SLCO1A2: variants seen among roughly 807,000 people sequenced by gnomAD.
The protein encoded by SLCO1A2 is OATP-1.
SLCO1A2 carries 67 observed loss-of-function variants against 69.0 expected under a neutral mutation model. The ratio of observed to expected loss-of-function variants is 0.97; its 90% confidence interval spans 0.80 to 1.19. SLCO1A2 has a LOEUF of 1.19. Ranked by LOEUF, SLCO1A2 falls within the 50% of genes most tolerant of loss-of-function variation. The pLI is 0.00. For synonymous variants in SLCO1A2, 260 were observed against 265.9 expected, an observed-to-expected ratio of 0.98 and a Z score of 0.22; for missense variants, 787 against 793.7, an observed-to-expected ratio of 0.99 and a Z score of 0.10.
At chr12:21,387,129 GA>G (rs1940920844) in intron 1 of SLCO1A2, among the ~76,000 whole-genome samples, 1 of 152,078 alleles carries the variant, frequency 6.6e-6, no homozygotes, top group Non-Finnish European at 1.5e-5. Flanking sequence ...GTTTCTGGTG[GA>G]AAAAATTTCT....
At position 21,295,598 on chromosome 12, in the gene SLCO1A2, C is replaced by T. The variant is rs1316360815; in HGVS notation, c.1270G>A (p.Gly424Arg). The T allele has an allele frequency of 6.4e-7, 1 of 1,557,654 alleles. No homozygotes were observed. Among genetic ancestry groups the T allele is most frequent in the South Asian group, 1.1e-5 (1 of 88,994 alleles). The change falls in exon 10 of 15, where the codon GGA (glycine) becomes AGA (arginine). Residue 424 changes from glycine to arginine, a missense_variant and splice_region_variant. By Grantham distance (125) the Gly-to-Arg change is moderately radical. Coordinates refer to ENST00000683939, the MANE Select transcript of SLCO1A2 (RefSeq NM_001386879.1). ...SVVGINTSYE[G>R]IPQDLYVEND... ...CACATTCATTAGAAAACAACATACC[C>T]TTCATAAGAGGTATTTATTCCAACA...
chr12:21,370,539 C>T (rs569250034), intron 2 of SLCO1A2, among the ~76,000 whole-genome samples: 71 of 139,314 alleles, frequency 5.1e-4, no homozygotes, highest in Non-Finnish European at 7.8e-4. Context: ...TCCATGTGTT[C>T]TCATTGTTCA....
At chr12:21,352,353 T>A (rs1160601677) in intron 2 of SLCO1A2, among the ~76,000 whole-genome samples, 3 of 152,188 alleles carry the variant, frequency 2.0e-5, no homozygotes, top group Non-Finnish European at 2.9e-5. Context: ...AATGTCATAG[T>A]GTCTGTAAAA....
upstream of SLCO1A2, among the ~76,000 whole-genome samples, chr12:21,336,858 G>A (rs1385107972): frequency 4.6e-5 from 7 of 151,954 alleles, no homozygotes; most frequent in Admixed American, 4.6e-4. Flanking sequence ...ACCACACAGT[G>A]TCACCAACAA....
chr12:21,300,203 G>C (rs1317951005), intron 8 of SLCO1A2, 145 bp downstream of exon 8: 1 of 525,130 alleles, frequency 1.9e-6, no homozygotes, highest in Admixed American at 3.7e-5. Flanking sequence ...GGAAGAATCG[G>C]ACTAGTTAGG....
intron 1 of SLCO1A2, among the ~76,000 whole-genome samples, chr12:21,414,089 C>CTG (rs34128801): frequency 0.63 from 96,246 of 151,652 alleles, 30,697 homozygotes; most frequent in Middle Eastern, 0.77. Flanking sequence ...ACTAAGAAAA[C>CTG]TAACACTTTG....
chr12:21,369,923 T>C (rs1939659443), intron 2 of SLCO1A2, among the ~76,000 whole-genome samples: 1 of 152,194 alleles, frequency 6.6e-6, no homozygotes, highest in South Asian at 2.1e-4. Flanking sequence ...ATGTAAACTC[T>C]GAAGCTATTT....
intron 3 of SLCO1A2, among the ~76,000 whole-genome samples, chr12:21,315,779 C>G (rs945798946): frequency 3.3e-5 from 5 of 152,222 alleles, no homozygotes; most frequent in Admixed American, 2.0e-4. Context: ...GGTAGTGTCT[C>G]CAGAGGCCAT....
chr12:21,290,928 C>G (rs760674387), intron 12 of SLCO1A2, among the ~76,000 whole-genome samples: 4 of 152,082 alleles, frequency 2.6e-5, no homozygotes, highest in Non-Finnish European at 5.9e-5. Flanking sequence ...ACATTAATAT[C>G]TGTAATTTAC....
chr12:21,275,467 T>C, intron 12 of SLCO1A2, 43 bp from the exon 13 acceptor site: 1 of 1,385,386 alleles, frequency 7.2e-7, no homozygotes, highest in Non-Finnish European at 9.5e-7. Context: ...AAATAAAGAT[T>C]TAAAACTATC....
intron 2 of SLCO1A2, among the ~76,000 whole-genome samples, chr12:21,369,246 C>T (rs1169741824): frequency 7.2e-5 from 11 of 152,120 alleles, no homozygotes; most frequent in Non-Finnish European, 8.8e-5. Flanking sequence ...CTTCTCATTT[C>T]TTCCCTTTAT....
intron 13 of SLCO1A2, 113 bp downstream of exon 13, chr12:21,275,247 A>C (rs543329774): frequency 4.8e-5 from 47 of 987,390 alleles, no homozygotes; most frequent in Non-Finnish European, 6.5e-5. Context: ...ACATGTATAC[A>C]TATGTAACAA....
chr12:21,389,332 A>C (rs1280157721), intron 1 of SLCO1A2, among the ~76,000 whole-genome samples: 1 of 152,166 alleles, frequency 6.6e-6, no homozygotes, highest in Non-Finnish European at 1.5e-5. Context: ...CACTTTTCTT[A>C]GAAATATATA....
At chr12:21,330,697 G>C (rs1049727326) in intron 2 of SLCO1A2, among the ~76,000 whole-genome samples, 6 of 152,118 alleles carry the variant, frequency 3.9e-5, no homozygotes, top group African/African-American at 1.4e-4. Flanking sequence ...CTTGCATTAA[G>C]AGTAACTCAA....
intron 12 of SLCO1A2, among the ~76,000 whole-genome samples, chr12:21,280,131 T>C (rs1270758913): frequency 6.6e-6 from 1 of 151,260 alleles, no homozygotes; most frequent in South Asian, 2.1e-4. Flanking sequence ...AGCAAGAAAT[T>C]AAAGCATACC....
chr12:21,317,874 CCT>C (rs984106731), intron 3 of SLCO1A2, among the ~76,000 whole-genome samples: 39 of 152,126 alleles, frequency 2.6e-4, no homozygotes, highest in African/African-American at 7.5e-4. Context: ...CCCCATTCTC[CCT>C]CTCTATGGTC....
At position 21,394,555 on chromosome 12, in the gene SLCO1A2, G is replaced by GCACA. The variant is rs35166807; in HGVS notation, c.-190+347_-190+350dup. On this transcript the variant is annotated intron_variant, in intron 1 of 15. Transcript: ENST00000307378. ...AGACACTGTCTCAAAAATAACACAC[G>GCACA]CACACACACACACACACACACACAC... Among the ~76,000 whole-genome samples the GCACA allele has an allele frequency of 7.5e-3, 1,047 of 138,982 alleles. 10 individuals are homozygous for GCACA. The highest frequency in any genetic ancestry group is 0.021 in the African/African-American group (777 of 36,686). 91.2% of individuals were successfully genotyped at this position (138,982 alleles called of 152,430 possible). A position where few individuals can be genotyped will look rare whatever the true frequency, so the allele number is the denominator to read the frequency against.
intron 2 of SLCO1A2, among the ~76,000 whole-genome samples, chr12:21,326,806 G>T (rs1190735028): frequency 6.6e-6 from 1 of 152,146 alleles, no homozygotes; most frequent in East Asian, 1.9e-4. Context: ...CAAAGATATG[G>T]TTTGAAATTG....
intron 2 of SLCO1A2, among the ~76,000 whole-genome samples, chr12:21,364,824 G>A (rs183283137): frequency 1.1e-3 from 161 of 152,208 alleles, no homozygotes; most frequent in African/African-American, 3.6e-3. Context: ...AAATACCTAG[G>A]AATCCAACTT....
Sources: gnomAD v4.1 joint callset for allele counts (sites outside exome capture counted in the v4.1 genomes callset) on GRCh38, gnomAD v4.1.1 for gene constraint, MANE v1.5 for transcripts, NCBI Gene and HGNC (gene_info 2026-07-23, HGNC 2026-07-21) for gene names.